Variants in CSNK1E observed in about 807,000 individuals in gnomAD.
CSNK1E encodes casein kinase I isoform epsilon.
In CSNK1E, 17 loss-of-function variants were observed where a neutral mutation model predicts 46.1. The observed-to-expected ratio is 0.37, with a 90% confidence interval of 0.25 to 0.55. The LOEUF is 0.55. CSNK1E is among the 20% of genes least tolerant of loss of function. The probability of loss-of-function intolerance (pLI) is 0.82; values close to 1 mark genes in which losing one functional copy is unlikely to be tolerated. For synonymous variants in CSNK1E, 241 were observed against 242.6 expected (o/e 0.99, Z 0.06); for missense variants, 386 against 595.4 (o/e 0.65, Z 3.66).
At chr22:38,293,157 T>C in intron 10 of CSNK1E, 98 bp downstream of exon 10, 3 of 986,954 alleles carry the variant, frequency 3.0e-6, no homozygotes, top group Non-Finnish European at 4.9e-6. Flanking sequence ...CCACTGCCAC[T>C]GCCACCCACC....
rs545424316 is a variant in CSNK1E at position 38,298,193 on chromosome 22, G to A, written c.885+593C>T. The A allele has an allele frequency of 4.7e-4, 614 of 1,303,896 alleles. 10 individuals carry two copies. In the South Asian group the frequency reaches 6.9e-3, roughly 15 times the overall value. 80.8% of individuals were successfully genotyped at this position (1,303,896 alleles called of 1,614,324 possible). ...GCTGTCACGGGGCTGAGCCTGGCTC[G>A]AGGAAGCCCCCTTTTCCAGAAGAGA... On this transcript the variant is annotated intron_variant, in intron 7 of 10. Coordinates refer to ENST00000396832, the MANE Select transcript of CSNK1E (RefSeq NM_152221.3). The surrounding 1 kb of genome is among the most constrained non-coding windows in gnomAD (Gnocchi z 4.2).
intron 7 of CSNK1E, chr22:38,297,874 C>T: frequency 9.5e-7 from 1 of 1,050,740 alleles, no homozygotes; most frequent in South Asian, 2.7e-5. Context: ...CTCAGGCACA[C>T]CTGGCGACAT....
intron 6 of CSNK1E, 139 bp downstream of exon 6, chr22:38,299,756 C>T: frequency 1.1e-6 from 1 of 883,090 alleles, no homozygotes; most frequent in Non-Finnish European, 1.7e-6. Flanking sequence ...GATCCACCTG[C>T]CTTGGCCTCC....
At chr22:38,313,898 G>C (rs148097011) in intron 2 of CSNK1E, among the ~76,000 whole-genome samples, 184 bp downstream of exon 2, 54 of 152,142 alleles carry the variant, frequency 3.5e-4, no homozygotes, top group African/African-American at 1.2e-3. Flanking sequence ...CCTGGCCTGC[G>C]AGAGGAGCCC....
intron 2 of CSNK1E, among the ~76,000 whole-genome samples, chr22:38,304,368 T>G (rs1014139814): frequency 1.3e-5 from 2 of 151,604 alleles, no homozygotes; most frequent in African/African-American, 4.9e-5. Flanking sequence ...CCAGGAGAAA[T>G]CTCAAGTAGA....
chr22:38,303,416 G>C lies in CSNK1E; in HGVS notation c.77-168C>G, dbSNP rs1305957388. Among the ~76,000 whole-genome samples, 1 of 152,230 alleles carries C rather than the reference G, an allele frequency of 6.6e-6. No individual in the cohort carries two copies. Among genetic ancestry groups the C allele is most frequent in the Non-Finnish European group, 1.5e-5 (1 of 68,038 alleles). ...AGGGGGCAAAGGAGCCCCGGCAAAGGGTTCCTGAGGGGAAAGAAGGTCAGC... is the reference window on the plus strand; with the variant it reads ...AGGGGGCAAAGGAGCCCCGGCAAAGCGTTCCTGAGGGGAAAGAAGGTCAGC... On this transcript the variant is annotated intron_variant, in intron 2 of 10. Transcript: ENST00000396832. This position sits in a 1 kb window ranked among gnomAD's most constrained non-coding sequence, Gnocchi z 4.7.
rs1197861203 is a variant in CSNK1E, at chr22:38,291,900, T to G, written c.*71A>C. 6.7e-6 allele frequency: 1 copy of G among 149,454 alleles called. No homozygotes were observed. Among genetic ancestry groups the G allele is most frequent in the East Asian group, 1.9e-4 (1 of 5,158 alleles). The allele number at this position is 149,454 out of a possible 1,614,324, so 9.3% of individuals were successfully genotyped here. The stretch of plus-strand genomic sequence containing the variant: ...TTGAGTGGTTTATTTTTGCCTTTTT[T>G]TTTTTTTTTTTTTTTTTAAAGAAAA... On this transcript the variant is annotated 3_prime_UTR_variant, in exon 11 of 11. Coordinates refer to ENST00000396832, the MANE Select transcript of CSNK1E (RefSeq NM_152221.3).
rs552795135 is a variant in CSNK1E, at chr22:38,317,282, A to AGCC, written c.-138_-136dup. Reference sequence around the variant, plus strand: ...CCGGCGCGCCAGCCTCTCCCGGCCCAGCCGCCGCCGCCGCCGCCGCCGCCG... The same window carrying AGCC: ...CCGGCGCGCCAGCCTCTCCCGGCCCAGCCGCCGCCGCCGCCGCCGCCGCCGCCG... On this transcript the variant is annotated 5_prime_UTR_variant, in exon 1 of 11. Coordinates refer to ENST00000396832, the MANE Select transcript of CSNK1E (RefSeq NM_152221.3). The AGCC allele has an allele frequency of 0.012, 1,754 of 146,914 alleles. 31 individuals are homozygous for AGCC. The highest frequency in any genetic ancestry group is 0.033 in the African/African-American group (1,313 of 39,312). The allele number at this position is 146,914 out of a possible 1,614,324, so 9.1% of individuals were successfully genotyped here.
rs2092663477 is a variant in CSNK1E, at chr22:38,300,171, A to ACGTCGGATGTTGCTCACTG, written c.566-125_566-107dup. 2 of 1,061,896 alleles carry ACGTCGGATGTTGCTCACTG rather than the reference A, an allele frequency of 1.9e-6. No individual in the cohort carries two copies. Among genetic ancestry groups the ACGTCGGATGTTGCTCACTG allele is most frequent in the South Asian group, 3.1e-5 (2 of 64,202 alleles). 65.8% of individuals were successfully genotyped at this position (1,061,896 alleles called of 1,614,324 possible). On this transcript the variant is annotated intron_variant, in intron 5 of 10. Coordinates refer to ENST00000396832, the MANE Select transcript of CSNK1E (RefSeq NM_152221.3). This position sits in a 1 kb window ranked among gnomAD's most constrained non-coding sequence, Gnocchi z 4.4. ...AATGCACCAGGACCCTCCTGCCCCC[A>ACGTCGGATGTTGCTCACTG]CGTCGGATGTTGCTCACTGCACGCA... is the stretch of plus-strand genomic sequence containing the variant.
intron 2 of CSNK1E, among the ~76,000 whole-genome samples, chr22:38,312,560 G>A (rs191045234): frequency 6.6e-6 from 1 of 152,152 alleles, no homozygotes; most frequent in Non-Finnish European, 1.5e-5. Flanking sequence ...TGGGGTCGCA[G>A]AGAAAAACCT....
In CSNK1E at chr22:38,300,696, C is replaced by G; in HGVS notation, c.565+28G>C. On this transcript the variant is annotated intron_variant, in intron 5 of 10. Coordinates refer to ENST00000396832, the MANE Select transcript of CSNK1E (RefSeq NM_152221.3). The surrounding 1 kb of genome is among the most constrained non-coding windows in gnomAD (Gnocchi z 4.4). ...GGGCCCCAGCCAGTGGCCCCGGGTG[C>G]ACACTGCTCCAGGCCTGGCTCCCTC... 3 of 1,605,880 alleles carry G rather than the reference C, an allele frequency of 1.9e-6. No homozygotes were observed. Among genetic ancestry groups the G allele is most frequent in the Non-Finnish European group, 2.6e-6 (3 of 1,173,136 alleles).
chr22:38,307,765 C>T (rs2092704820), intron 2 of CSNK1E, among the ~76,000 whole-genome samples: 1 of 152,180 alleles, frequency 6.6e-6, no homozygotes, highest in Non-Finnish European at 1.5e-5. Flanking sequence ...GGCACTAACA[C>T]AGCTCACTGC....
intron 4 of CSNK1E, among the ~76,000 whole-genome samples, chr22:38,302,487 G>A (rs927319462): frequency 1.3e-5 from 2 of 152,338 alleles, no homozygotes; most frequent in South Asian, 4.1e-4. Flanking sequence ...GCTCACGCCT[G>A]TAATCCCAGC....
intron 9 of CSNK1E, among the ~76,000 whole-genome samples, chr22:38,293,692 G>A (rs1602538867): frequency 6.6e-6 from 1 of 152,050 alleles, no homozygotes; most frequent in South Asian, 2.1e-4. Context: ...CTTCCCAAGT[G>A]TCCCCATCCA....
rs561294363 is a variant in CSNK1E at position 38,310,990 on chromosome 22, G to A, written c.76+3092C>T. Among the ~76,000 whole-genome samples the A allele has an allele frequency of 2.6e-5, 4 of 152,336 alleles. No individual in the cohort carries two copies. The South Asian group carries it at 8.3e-4, about 32-fold the overall frequency. On this transcript the variant is annotated intron_variant, in intron 2 of 10. Coordinates refer to ENST00000396832, the MANE Select transcript of CSNK1E (RefSeq NM_152221.3). ...CAGGGGCCCAGGAGGGTGCTGGCAG[G>A]ATGGTGAGTCAGGGCAGGGTCCCCT...
intron 2 of CSNK1E, among the ~76,000 whole-genome samples, chr22:38,311,916 C>T (rs949182185): frequency 6.6e-6 from 1 of 151,868 alleles, no homozygotes; most frequent in African/African-American, 2.4e-5. Flanking sequence ...GCCATTCTTC[C>T]GCCTCAGCCT....
chr22:38,316,535 T>TG (rs1405706131), intron 1 of CSNK1E: 6 of 152,238 alleles, frequency 3.9e-5, no homozygotes, highest in Non-Finnish European at 8.8e-5. Context: ...TTGCGTTCCT[T>TG]AGAGACTTGC....
rs1242984592 is a variant in CSNK1E, at chr22:38,303,558, A to G, written c.77-310T>C. ...TATGCAAAAGGCTCACAGACCACCT[A>G]AGGGAGGGGGCTGAGTCCTAGAGCA... On this transcript the variant is annotated intron_variant, in intron 2 of 10. Transcript: ENST00000396832. The surrounding 1 kb of genome is among the most constrained non-coding windows in gnomAD (Gnocchi z 4.7). 6.6e-6 allele frequency among the ~76,000 whole-genome samples: 1 copy of G among 152,146 alleles called. No homozygotes were observed. Among genetic ancestry groups the G allele is most frequent in the African/African-American group, 2.4e-5 (1 of 41,412 alleles).
intron 7 of CSNK1E, chr22:38,297,761 C>T (rs1157637000): frequency 4.0e-6 from 4 of 998,738 alleles, no homozygotes; most frequent in Non-Finnish European, 4.8e-6. Context: ...GACCCCATGG[C>T]AGGGCCTTTT....
Sources: allele counts gnomAD v4.1 joint callset (sites outside exome capture counted in the v4.1 genomes callset), GRCh38; gene constraint gnomAD v4.1.1; non-coding constraint Gnocchi (gnomAD v3.1); transcripts MANE v1.5; gene names NCBI Gene and HGNC (gene_info 2026-07-23, HGNC 2026-07-21).